Variants in SLIT3 observed in about 807,000 individuals in gnomAD.
SLIT3 encodes the protein slit homolog 3 protein.
In SLIT3, 68 loss-of-function variants were observed where a neutral mutation model predicts 184.0. The observed-to-expected ratio is 0.37, with a 90% CI of 0.30 to 0.45. The LOEUF (loss-of-function observed/expected upper bound fraction) is 0.45. Among genes scored for constraint, SLIT3 ranks in the 20% least tolerant of loss-of-function variants. The pLI, the probability that SLIT3 is intolerant of heterozygous loss-of-function variation, is 1.00. For missense variants in SLIT3, 1,707 were observed against 2,026.0 expected, an observed-to-expected ratio of 0.84 and a Z score of 3.02; for synonymous variants, 831 against 828.6, an observed-to-expected ratio of 1.00 and a Z score of -0.05.
chr5:169,200,189 G>T (rs1405269298), intron 3 of SLIT3, among the ~76,000 whole-genome samples: 4 of 152,220 alleles, frequency 2.6e-5, no homozygotes, highest in Non-Finnish European at 5.9e-5. Context: ...GGCCACTAGG[G>T]CCTGGGCATG....
intron 26 of SLIT3, among the ~76,000 whole-genome samples, chr5:168,703,944 CAAAAAAAAAA>C (rs70976498): frequency 2.1e-5 from 1 of 46,822 alleles, no homozygotes; most frequent in Non-Finnish European, 3.9e-5. Flanking sequence ...ACTCTGTCTC[CAAAAAAAAAA>C]AAAAAAAAAA....
At chr5:169,291,011 A>T (rs1767347319) in intron 1 of SLIT3, among the ~76,000 whole-genome samples, 1 of 152,182 alleles carries the variant, frequency 6.6e-6, no homozygotes, top group Non-Finnish European at 1.5e-5. Flanking sequence ...TTCAGGAGCC[A>T]CAGGATACAC....
chr5:168,743,090 T>C (rs1763687334), intron 20 of SLIT3, among the ~76,000 whole-genome samples: 1 of 152,148 alleles, frequency 6.6e-6, no homozygotes, highest in African/African-American at 2.4e-5. Context: ...TCTAAGAAAC[T>C]GGCATGTTCA....
At chr5:169,186,698 A>AG (rs1289983244) in intron 4 of SLIT3, among the ~76,000 whole-genome samples, 1 of 152,130 alleles carries the variant, frequency 6.6e-6, no homozygotes. Context: ...GTGGGCTTGG[A>AG]GCATGTATAC....
chr5:169,139,663 G>A (rs1057193969), intron 4 of SLIT3, among the ~76,000 whole-genome samples: 4 of 152,164 alleles, frequency 2.6e-5, no homozygotes, highest in Non-Finnish European at 4.4e-5. Flanking sequence ...AAACTGCAAT[G>A]AGCAAAATAC....
At chr5:168,779,579 T>TC (rs1755895515) in intron 12 of SLIT3, among the ~76,000 whole-genome samples, 1 of 152,206 alleles carries the variant, frequency 6.6e-6, no homozygotes, top group Non-Finnish European at 1.5e-5. Context: ...GCCCATTGAC[T>TC]ACCCAGCATA....
At chr5:168,981,028 T>A (rs76556019) in intron 4 of SLIT3, among the ~76,000 whole-genome samples, 9,439 of 152,304 alleles carry the variant, frequency 0.062, 363 homozygotes, top group Middle Eastern at 0.099. Context: ...TTAGATGAAT[T>A]TCTTCTTTTT....
At chr5:168,739,152 A>C (rs1763533943) in intron 20 of SLIT3, among the ~76,000 whole-genome samples, 1 of 152,176 alleles carries the variant, frequency 6.6e-6, no homozygotes, top group South Asian at 2.1e-4. Context: ...AGCATTTGGA[A>C]GATCTGCATA....
chr5:168,853,005 C>T (rs894768965), intron 5 of SLIT3, among the ~76,000 whole-genome samples: 2 of 152,190 alleles, frequency 1.3e-5, no homozygotes, highest in Admixed American at 6.5e-5. Flanking sequence ...GTTATATGAC[C>T]TGAAATTGGT....
At chr5:169,294,044 T>G (rs6896194) in intron 1 of SLIT3, among the ~76,000 whole-genome samples, 127,713 of 152,142 alleles carry the variant, frequency 0.84, 53,991 homozygotes, top group African/African-American at 0.92. Context: ...ATCTAGCTTG[T>G]GATCAGCAGT....
At chr5:168,698,188 G>C (rs1036695079) in intron 27 of SLIT3, among the ~76,000 whole-genome samples, 1 of 152,184 alleles carries the variant, frequency 6.6e-6, no homozygotes, top group Admixed American at 6.5e-5. Context: ...TGGTGATGCT[G>C]ATGACTAAGA....
At chr5:169,035,466 G>A (rs1232408469) in intron 4 of SLIT3, among the ~76,000 whole-genome samples, 1 of 151,870 alleles carries the variant, frequency 6.6e-6, no homozygotes, top group African/African-American at 2.4e-5. Flanking sequence ...TGGCTCACAC[G>A]GTGAAACCAC....
At chr5:168,784,304 C>A (rs1756076566) in intron 12 of SLIT3, among the ~76,000 whole-genome samples, 1 of 152,210 alleles carries the variant, frequency 6.6e-6, no homozygotes, top group Non-Finnish European at 1.5e-5. Flanking sequence ...CAGCTCCCTG[C>A]AGAGCCCTGG....
At chr5:168,869,537 T>C (rs1311150125) in intron 5 of SLIT3, among the ~76,000 whole-genome samples, 2 of 152,166 alleles carry the variant, frequency 1.3e-5, no homozygotes, top group Admixed American at 6.5e-5. Flanking sequence ...ATTCCTTCCT[T>C]GACACAGCCT....
intron 29 of SLIT3, among the ~76,000 whole-genome samples, chr5:168,688,438 C>T (rs543613943): frequency 1.2e-3 from 182 of 152,288 alleles, no homozygotes; most frequent in African/African-American, 4.2e-3. Context: ...TCCCTCTCCT[C>T]TTTAGGAATG....
chr5:169,068,806 G>A (rs1422329806), intron 4 of SLIT3, among the ~76,000 whole-genome samples: 3 of 150,026 alleles, frequency 2.0e-5, no homozygotes, highest in Non-Finnish European at 3.0e-5. Context: ...CTCATTACGG[G>A]AAAAACCCTC....
At chr5:169,133,518 C>T (rs1373940674) in intron 4 of SLIT3, among the ~76,000 whole-genome samples, 1 of 152,174 alleles carries the variant, frequency 6.6e-6, no homozygotes. Flanking sequence ...GACATGCTGA[C>T]GTATCAAAGG....
At chr5:168,879,202 G>T (rs1450184444) in intron 5 of SLIT3, among the ~76,000 whole-genome samples, 1 of 152,228 alleles carries the variant, frequency 6.6e-6, no homozygotes, top group East Asian at 1.9e-4. Flanking sequence ...TATGCCAGCA[G>T]TTTATCTTCT....
At chr5:168,694,608 T>A (rs1010760676) in intron 28 of SLIT3, among the ~76,000 whole-genome samples, 1 of 152,082 alleles carries the variant, frequency 6.6e-6, no homozygotes, top group Non-Finnish European at 1.5e-5. Context: ...TCTCTCTTTC[T>A]TTATCTCTCT....
Sources: gnomAD v4.1 joint callset for allele counts (sites outside exome capture counted in the v4.1 genomes callset) on GRCh38, gnomAD v4.1.1 for gene constraint, MANE v1.5 for transcripts, NCBI Gene and HGNC (gene_info 2026-07-23, HGNC 2026-07-21) for gene names.